RAD51B: variants seen among roughly 807,000 people sequenced by gnomAD.
RAD51B encodes RAD51 paralog B, also known as DNA repair protein RAD51 homolog 2.
In RAD51B, 38 loss-of-function variants were observed where a neutral mutation model predicts 42.2. The observed-to-expected ratio is 0.90, with a 90% CI of 0.70 to 1.18. RAD51B has a LOEUF of 1.18. RAD51B is among the 50% of genes most tolerant of loss of function. The pLI is 0.00. For synonymous variants in RAD51B, 154 were observed against 145.2 expected (o/e 1.06, Z -0.43); for missense variants, 373 against 400.7 (o/e 0.93, Z 0.59).
At chr14:67,991,190 A>G (rs922889258) in intron 7 of RAD51B, among the ~76,000 whole-genome samples, 1 of 152,184 alleles carries the variant, frequency 6.6e-6, no homozygotes, top group African/African-American at 2.4e-5. Context: ...AGGCAGGAAG[A>G]TGGAGGAGAG....
intron 7 of RAD51B, among the ~76,000 whole-genome samples, chr14:68,211,388 A>T (rs960815799): frequency 3.3e-5 from 5 of 152,222 alleles, no homozygotes; most frequent in African/African-American, 1.2e-4. Context: ...AATGAAAAGA[A>T]CATCTCAGGT....
intron 7 of RAD51B, among the ~76,000 whole-genome samples, chr14:68,083,412 A>G (rs1382677882): frequency 6.6e-6 from 1 of 152,118 alleles, no homozygotes; most frequent in African/African-American, 2.4e-5. Context: ...TCTTGATGAT[A>G]TTGCCTGGAG....
chr14:68,528,144 C>A (rs967522400), intron 10 of RAD51B, among the ~76,000 whole-genome samples: 1 of 152,188 alleles, frequency 6.6e-6, no homozygotes, highest in African/African-American at 2.4e-5. Context: ...TCCAGTCTTC[C>A]GTACCATACA....
intron 7 of RAD51B, among the ~76,000 whole-genome samples, chr14:68,245,382 C>T (rs1186213333): frequency 6.6e-6 from 1 of 152,166 alleles, no homozygotes; most frequent in Non-Finnish European, 1.5e-5. Context: ...TGTCGGGGCC[C>T]TGGGTTCCTA....
downstream of RAD51B, among the ~76,000 whole-genome samples, chr14:68,597,003 A>G (rs2140088064): frequency 6.6e-6 from 1 of 152,268 alleles, no homozygotes; most frequent in South Asian, 2.1e-4. Context: ...GTCCTTAGAA[A>G]ATTCGTTCCC....
chr14:68,044,621 T>G (rs950921949), intron 7 of RAD51B, among the ~76,000 whole-genome samples: 1 of 152,172 alleles, frequency 6.6e-6, no homozygotes, highest in Non-Finnish European at 1.5e-5. Context: ...AATAAAAATT[T>G]ATGTTTTTCT....
chr14:68,437,506 C>G (rs918749379), intron 9 of RAD51B, among the ~76,000 whole-genome samples: 2 of 152,134 alleles, frequency 1.3e-5, no homozygotes, highest in Non-Finnish European at 2.9e-5. Context: ...CAGGCTGATG[C>G]TAGCTTTGTA....
chr14:68,432,441 TG>T (rs1055084494), intron 9 of RAD51B, among the ~76,000 whole-genome samples: 2 of 152,232 alleles, frequency 1.3e-5, no homozygotes, highest in African/African-American at 4.8e-5. Flanking sequence ...GCTCCTGTAT[TG>T]GGTGCATATA....
At chr14:68,110,195 C>T (rs2077438731) in intron 7 of RAD51B, among the ~76,000 whole-genome samples, 1 of 151,860 alleles carries the variant, frequency 6.6e-6, no homozygotes, top group South Asian at 2.1e-4. Context: ...CTGCAAGGGA[C>T]AGTAGGCTTG....
intron 8 of RAD51B, among the ~76,000 whole-genome samples, chr14:68,371,202 G>A (rs544598289): frequency 1.5e-4 from 23 of 151,988 alleles, no homozygotes; most frequent in Middle Eastern, 3.4e-3. Flanking sequence ...GGGGTGGGAG[G>A]TGCAGGTTAG....
chr14:68,484,918 T>C (rs1375229212), intron 10 of RAD51B, among the ~76,000 whole-genome samples: 1 of 152,208 alleles, frequency 6.6e-6, no homozygotes, highest in Non-Finnish European at 1.5e-5. Context: ...TGTGTTTCTC[T>C]CTTAGCCTTT....
At chr14:68,530,771 A>G (rs867617496) in intron 10 of RAD51B, among the ~76,000 whole-genome samples, 24 of 152,296 alleles carry the variant, frequency 1.6e-4, no homozygotes, top group South Asian at 8.3e-4. Context: ...TTATATCAAG[A>G]AAAACTCAGT....
At chr14:68,087,630 G>A (rs946684267) in intron 7 of RAD51B, among the ~76,000 whole-genome samples, 1 of 151,286 alleles carries the variant, frequency 6.6e-6, no homozygotes, top group Non-Finnish European at 1.5e-5. Flanking sequence ...GAGCTATGGG[G>A]CCTTGAACAT....
intron 7 of RAD51B, among the ~76,000 whole-genome samples, chr14:67,949,608 T>C (rs1167340656): frequency 6.6e-6 from 1 of 152,238 alleles, no homozygotes; most frequent in Non-Finnish European, 1.5e-5. Context: ...TTTGACCTCC[T>C]ACCATTAATC....
chr14:68,565,354 G>C lies in RAD51B; in HGVS notation c.1037-29131G>C, dbSNP rs903837874. Among the ~76,000 whole-genome samples, 4 of 152,198 alleles carry C rather than the reference G, an allele frequency of 2.6e-5. No homozygotes were observed. The highest frequency in any genetic ancestry group is 5.9e-5 in the Non-Finnish European group (4 of 68,036). The stretch of plus-strand genomic sequence containing the variant: ...TTCCTCCAGCAAAAGGTGACTTAGA[G>C]GTGTTTGTTCAATAATGCGAGGAGA... On this transcript the variant is annotated intron_variant, in intron 10 of 10. Transcript: ENST00000487270. The surrounding 1 kb of genome is among the most constrained non-coding windows in gnomAD (Gnocchi z 4.1).
chr14:68,462,385 GC>G (rs1203907550), intron 9 of RAD51B, among the ~76,000 whole-genome samples: 1 of 152,190 alleles, frequency 6.6e-6, no homozygotes, highest in African/African-American at 2.4e-5. Flanking sequence ...CTACAACAGT[GC>G]CAAGCACAAA....
intron 8 of RAD51B, among the ~76,000 whole-genome samples, chr14:68,334,976 A>T (rs947457609): frequency 0.012 from 1,765 of 148,450 alleles, 49 homozygotes; most frequent in African/African-American, 0.041. Flanking sequence ...TATATATAAA[A>T]AAACAAACAA....
chr14:67,837,081 A>G (rs2041268165), intron 4 of RAD51B, among the ~76,000 whole-genome samples: 1 of 152,130 alleles, frequency 6.6e-6, no homozygotes, highest in African/African-American at 2.4e-5. Context: ...TATGAGCAAC[A>G]CCTAGCAGAT....
At chr14:68,390,899 A>T (rs1594768892) in intron 8 of RAD51B, among the ~76,000 whole-genome samples, 1 of 152,220 alleles carries the variant, frequency 6.6e-6, no homozygotes, top group African/African-American at 2.4e-5. Flanking sequence ...ACACTAATGC[A>T]GTCCCTGGTA....
Sources: allele counts gnomAD v4.1 joint callset (sites outside exome capture counted in the v4.1 genomes callset), GRCh38; gene constraint gnomAD v4.1.1; non-coding constraint Gnocchi (gnomAD v3.1); transcripts MANE v1.5; gene names NCBI Gene and HGNC (gene_info 2026-07-23, HGNC 2026-07-21).